Variants in PELI2 observed in about 807,000 individuals in gnomAD.
The protein encoded by PELI2 is pellino E3 ubiquitin protein ligase family member 2.
Under a neutral mutation model 42.3 loss-of-function variants are expected in PELI2, and 23 were observed. The observed-to-expected ratio is 0.54, with a 90% CI of 0.39 to 0.77. The LOEUF (loss-of-function observed/expected upper bound fraction) is 0.77, where lower values mean the gene tolerates loss of function less well. Among genes scored for constraint, PELI2 ranks in the 30% least tolerant of loss-of-function variants. The probability of loss-of-function intolerance (pLI) is 0.00; values close to 1 mark genes in which losing one functional copy is unlikely to be tolerated. For missense variants in PELI2, 463 were observed against 553.2 expected, an observed-to-expected ratio of 0.84 and a Z score of 1.64; for synonymous variants, 245 against 212.2, an observed-to-expected ratio of 1.15 and a Z score of -1.34.
At chr14:56,278,107 A>T (rs1431225250) in intron 2 of PELI2, among the ~76,000 whole-genome samples, 1 of 152,254 alleles carries the variant, frequency 6.6e-6, no homozygotes, top group Non-Finnish European at 1.5e-5. Context: ...TGCAATAGAT[A>T]CTTTATAGGA....
chr14:56,199,496 T>C (rs1886254516), intron 2 of PELI2, among the ~76,000 whole-genome samples: 2 of 152,220 alleles, frequency 1.3e-5, no homozygotes, highest in South Asian at 2.1e-4. Flanking sequence ...ATCAGGAATA[T>C]TAAAATGGAA....
At chr14:56,204,692 A>T (rs1886451259) in intron 2 of PELI2, among the ~76,000 whole-genome samples, 1 of 152,008 alleles carries the variant, frequency 6.6e-6, no homozygotes, top group African/African-American at 2.4e-5. Flanking sequence ...AGGACTTTTA[A>T]ACTGTTAAGA....
intron 2 of PELI2, among the ~76,000 whole-genome samples, chr14:56,242,545 G>A (rs1031409344): frequency 2.0e-5 from 3 of 152,220 alleles, no homozygotes; most frequent in Non-Finnish European, 2.9e-5. Flanking sequence ...AAAGACACTT[G>A]CACATGCATG....
At position 56,219,715 on chromosome 14, in the gene PELI2, T is replaced by C. The variant is rs145135159; in HGVS notation, c.207+41251T>C. On this transcript the variant is annotated intron_variant, in intron 2 of 5. Coordinates refer to ENST00000267460, the MANE Select transcript of PELI2 (RefSeq NM_021255.3). This position sits in a 1 kb window ranked among gnomAD's most constrained non-coding sequence, Gnocchi z 4.1. ...GCCAATTTAAAAGCAGAAAATTAGA[T>C]GTGGAAAATTGTACTTAGGTTGGTA... 2.0e-5 allele frequency among the ~76,000 whole-genome samples: 3 copies of C among 152,352 alleles called. No homozygotes were observed. The highest frequency in any genetic ancestry group is 4.4e-5 in the Non-Finnish European group (3 of 68,024).
chr14:56,165,449 C>G (rs1480059434), intron 1 of PELI2, among the ~76,000 whole-genome samples: 1 of 152,084 alleles, frequency 6.6e-6, no homozygotes, highest in African/African-American at 2.4e-5. Flanking sequence ...TTTCAAATAG[C>G]CTGTCTTCAA....
intron 2 of PELI2, among the ~76,000 whole-genome samples, chr14:56,216,102 A>G (rs1333728465): frequency 6.6e-6 from 1 of 152,212 alleles, no homozygotes; most frequent in African/African-American, 2.4e-5. Flanking sequence ...TTTAGTCAGC[A>G]TTATAGAAAA....
At chr14:56,261,158 T>C (rs1888703081) in intron 2 of PELI2, among the ~76,000 whole-genome samples, 2 of 152,178 alleles carry the variant, frequency 1.3e-5, no homozygotes, top group South Asian at 2.1e-4. Flanking sequence ...GGCAGCATGC[T>C]GTAAAGGAGA....
chr14:56,233,408 T>C (rs1328400581), intron 2 of PELI2, among the ~76,000 whole-genome samples: 1 of 152,090 alleles, frequency 6.6e-6, no homozygotes, highest in Non-Finnish European at 1.5e-5. Flanking sequence ...AAAACAGAGA[T>C]ATAGACCAAT....
chr14:56,126,208 T>C (rs1883252788), intron 1 of PELI2, among the ~76,000 whole-genome samples: 1 of 152,216 alleles, frequency 6.6e-6, no homozygotes, highest in Non-Finnish European at 1.5e-5. Flanking sequence ...CGGAGCTGCA[T>C]TGCAGTGCGC....
chr14:56,256,654 A>G (rs1237966416), intron 2 of PELI2, among the ~76,000 whole-genome samples: 2 of 152,190 alleles, frequency 1.3e-5, no homozygotes, highest in African/African-American at 4.8e-5. Context: ...TAATTAGAAA[A>G]TGCAAAACTT....
chr14:56,232,011 G>T (rs1887591562), intron 2 of PELI2, among the ~76,000 whole-genome samples: 1 of 152,168 alleles, frequency 6.6e-6, no homozygotes, highest in Non-Finnish European at 1.5e-5. Context: ...AAATCTAGAA[G>T]AAATGGATAA....
chr14:56,196,409 GAC>G (rs1886132075), intron 2 of PELI2, among the ~76,000 whole-genome samples: 1 of 152,170 alleles, frequency 6.6e-6, no homozygotes, highest in Non-Finnish European at 1.5e-5. Flanking sequence ...CTGGTGATGA[GAC>G]AGTAATTACA....
chr14:56,216,243 A>G (rs1180489413), intron 2 of PELI2, among the ~76,000 whole-genome samples: 1 of 152,176 alleles, frequency 6.6e-6, no homozygotes, highest in South Asian at 2.1e-4. Flanking sequence ...AGGCTATTCA[A>G]GGTCAAGGGG....
At chr14:56,138,871 C>T (rs1454606324) in intron 1 of PELI2, among the ~76,000 whole-genome samples, 1 of 152,156 alleles carries the variant, frequency 6.6e-6, no homozygotes, top group African/African-American at 2.4e-5. Context: ...AATGATTTCT[C>T]CTGTGTTGTT....
chr14:56,178,518 T>A (rs918252682), intron 2 of PELI2, 54 bp downstream of exon 2: 1 of 1,590,938 alleles, frequency 6.3e-7, no homozygotes, highest in Non-Finnish European at 8.6e-7. Flanking sequence ...GACTCACAGA[T>A]ACTCCTTGTC....
At chr14:56,155,816 C>G (rs1595562731) in intron 1 of PELI2, among the ~76,000 whole-genome samples, 1 of 151,988 alleles carries the variant, frequency 6.6e-6, no homozygotes, top group East Asian at 1.9e-4. Flanking sequence ...ATCTCTTGAC[C>G]TCGTGATCCG....
At chr14:56,211,197 C>T (rs1182007779) in intron 2 of PELI2, among the ~76,000 whole-genome samples, 1 of 152,220 alleles carries the variant, frequency 6.6e-6, no homozygotes, top group Non-Finnish European at 1.5e-5. Context: ...TCCCTTGAGT[C>T]AATGCTGCCA....
intron 2 of PELI2, among the ~76,000 whole-genome samples, chr14:56,205,112 A>C (rs1886471029): frequency 6.6e-6 from 1 of 151,634 alleles, no homozygotes; most frequent in Non-Finnish European, 1.5e-5. Context: ...TCAGGAAGAG[A>C]GGACTGAGAA....
At position 56,180,024 on chromosome 14, in the gene PELI2, A is replaced by G. The variant is rs1305927699; in HGVS notation, c.207+1560A>G. On this transcript the variant is annotated intron_variant, in intron 2 of 5. Transcript: ENST00000267460. This position sits in a 1 kb window ranked among gnomAD's most constrained non-coding sequence, Gnocchi z 4.4. ...AGTATCTCTTCTTTAATCTTTAGCC[A>G]CTGCCATCTCCTCCCATTTTAGCCT... Among the ~76,000 whole-genome samples the G allele has an allele frequency of 2.6e-5, 4 of 152,180 alleles. No homozygotes were observed. The highest frequency in any genetic ancestry group is 7.2e-5 in the African/African-American group (3 of 41,456).
Sources: gnomAD v4.1 joint callset for allele counts (sites outside exome capture counted in the v4.1 genomes callset) on GRCh38, gnomAD v4.1.1 for gene constraint, Gnocchi (gnomAD v3.1) non-coding constraint, MANE v1.5 for transcripts, NCBI Gene and HGNC (gene_info 2026-07-23, HGNC 2026-07-21) for gene names.